Variants in SOX13 observed in about 807,000 individuals in gnomAD.
SOX13 encodes SRY-box transcription factor 13, also known as transcription factor SOX-13.
A neutral mutation model predicts 71.8 loss-of-function variants in SOX13; 28 were observed. The observed-to-expected ratio is 0.39, with a 90% CI of 0.29 to 0.53. The LOEUF (loss-of-function observed/expected upper bound fraction) is 0.53, where lower values mean the gene tolerates loss of function less well. SOX13 is among the 20% of genes least tolerant of loss of function. SOX13 has a pLI of 0.70. For missense variants in SOX13, 627 were observed against 810.3 expected, an observed-to-expected ratio of 0.77 and a Z score of 2.75; for synonymous variants, 309 against 317.8, an observed-to-expected ratio of 0.97 and a Z score of 0.29.
intron 1 of SOX13, among the ~76,000 whole-genome samples, chr1:204,093,318 C>T (rs1340549368): frequency 4.6e-5 from 7 of 152,232 alleles, no homozygotes; most frequent in Non-Finnish European, 7.3e-5. Flanking sequence ...TTCTACACTA[C>T]ACAGGATTGA....
In SOX13 at chr1:204,117,203, G is replaced by A; in HGVS notation, c.660+13G>A. 1.2e-5 allele frequency: 20 copies of A among 1,612,912 alleles called. No individual in the cohort carries two copies. The highest frequency in any genetic ancestry group is 1.7e-5 in the Non-Finnish European group (20 of 1,178,914). ...GCAGCAGATCCAGGTAACCGGAGGG[G>A]AGACCCGGAGAGGCACAGGAGGCAG... On this transcript the variant is annotated intron_variant, in intron 6 of 13. Coordinates refer to ENST00000367204, the MANE Select transcript of SOX13 (RefSeq NM_005686.3).
At chr1:204,103,235 T>A (rs2102243475) in intron 1 of SOX13, among the ~76,000 whole-genome samples, 1 of 152,366 alleles carries the variant, frequency 6.6e-6, no homozygotes, top group East Asian at 1.9e-4. Context: ...GGGTTTCTTT[T>A]GACTAAGTTT....
intron 1 of SOX13, among the ~76,000 whole-genome samples, chr1:204,093,098 T>G (rs1656179770): frequency 6.6e-6 from 1 of 152,046 alleles, no homozygotes; most frequent in African/African-American, 2.4e-5. Flanking sequence ...CTGTCCCAAG[T>G]GTATCAGCAT....
chr1:204,094,853 G>A (rs951200115), intron 1 of SOX13, among the ~76,000 whole-genome samples: 11 of 152,142 alleles, frequency 7.2e-5, no homozygotes, highest in Admixed American at 3.9e-4. Flanking sequence ...GGGATTTTGG[G>A]GCTTGCCTGT....
Position 204,123,449 on chromosome 1 carries a change from G to A in SOX13, c.1232-212G>A, listed in dbSNP as rs905157840. Among the ~76,000 whole-genome samples, 1 of 152,192 alleles carries A rather than the reference G, an allele frequency of 6.6e-6. No homozygotes were observed. The highest frequency in any genetic ancestry group is 1.5e-5 in the Non-Finnish European group (1 of 68,040). On this transcript the variant is annotated intron_variant, in intron 11 of 13. Transcript: ENST00000367204. This position sits in a 1 kb window ranked among gnomAD's most constrained non-coding sequence, Gnocchi z 5.0. ...GGCCATACCGCTGTGATTTTCTTGT[G>A]TGTCTGTCTCTGGTTCCCTGGCTGG...
chr1:204,125,429 C>T (rs1040581806), intron 13 of SOX13, among the ~76,000 whole-genome samples: 1 of 152,098 alleles, frequency 6.6e-6, no homozygotes, highest in East Asian at 1.9e-4. Flanking sequence ...TGGTGGTTCA[C>T]ACCTGTAGTC....
At chr1:204,125,578 A>G (rs1379109279) in intron 13 of SOX13, among the ~76,000 whole-genome samples, 2 of 152,174 alleles carry the variant, frequency 1.3e-5, no homozygotes, top group African/African-American at 4.8e-5. Flanking sequence ...ATAAGTAAAC[A>G]AAACATAAAA....
At chr1:204,088,037 C>T (rs2102228767) in intron 1 of SOX13, among the ~76,000 whole-genome samples, 1 of 152,308 alleles carries the variant, frequency 6.6e-6, no homozygotes, top group East Asian at 1.9e-4. Flanking sequence ...CCCTTGGCCT[C>T]CTGCCCTGGC....
chr1:204,125,010 G>C (rs886542647), intron 13 of SOX13, among the ~76,000 whole-genome samples, 153 bp downstream of exon 13: 3 of 152,140 alleles, frequency 2.0e-5, no homozygotes, highest in African/African-American at 7.2e-5. Flanking sequence ...GTATAGCTGA[G>C]CCTGCACGTG....
intron 1 of SOX13, among the ~76,000 whole-genome samples, chr1:204,111,159 G>A (rs548354714): frequency 6.6e-6 from 1 of 152,302 alleles, no homozygotes; most frequent in East Asian, 1.9e-4. Context: ...TGATAAACAA[G>A]GAAACAACAA....
At chr1:204,076,186 T>C (rs1259161744) in intron 1 of SOX13, among the ~76,000 whole-genome samples, 1 of 152,206 alleles carries the variant, frequency 6.6e-6, no homozygotes, top group Non-Finnish European at 1.5e-5. Context: ...GTTCTCTCCA[T>C]GGAAATCAGG....
chr1:204,113,103 C>G lies in SOX13; in HGVS notation c.188C>G (p.Ala63Gly). ...TCCCAGGATAGTGCTGACCCCCAAG[C>G]TCCAGCCCAGGGGAATTTCAGGGGC... is the stretch of plus-strand genomic sequence containing the variant. Reference protein sequence around the residue: ...RASQDSADPQAPAQGNFRGSW... With the variant: ...RASQDSADPQGPAQGNFRGSW... Residue 63 changes from alanine (A) to glycine (G), a missense_variant, in exon 2 of 14, where the codon GCT becomes GGT. Ala to Gly is a moderately conservative substitution (Grantham distance 60). Transcript: ENST00000367204. The G allele has an allele frequency of 6.3e-7, 1 of 1,578,948 alleles. No individual in the cohort carries two copies. Among genetic ancestry groups the G allele is most frequent in the African/African-American group, 1.3e-5 (1 of 74,170 alleles).
chr1:204,101,445 T>C (rs527284445), intron 1 of SOX13, among the ~76,000 whole-genome samples: 2 of 147,910 alleles, frequency 1.4e-5, no homozygotes, highest in South Asian at 4.2e-4. Flanking sequence ...GACAGGAGGA[T>C]CACGTGAGCC....
chr1:204,107,419 G>C (rs563318140), intron 1 of SOX13, among the ~76,000 whole-genome samples: 2 of 152,232 alleles, frequency 1.3e-5, no homozygotes, highest in African/African-American at 2.4e-5. Flanking sequence ...GAGTGACAGA[G>C]CAGTGACCAC....
chr1:204,082,780 C>G (rs1026068461), intron 1 of SOX13, among the ~76,000 whole-genome samples: 1 of 152,174 alleles, frequency 6.6e-6, no homozygotes, highest in African/African-American at 2.4e-5. Context: ...TGTGTCAAAT[C>G]TTGACTTGGG....
chr1:204,079,698 G>A (rs1655860751), intron 1 of SOX13, among the ~76,000 whole-genome samples: 2 of 152,076 alleles, frequency 1.3e-5, no homozygotes, highest in South Asian at 2.1e-4. Context: ...TGGCTCTCCC[G>A]CCTTAGTGGG....
chr1:204,083,619 G>A (rs143235800), intron 1 of SOX13, among the ~76,000 whole-genome samples: 2 of 152,164 alleles, frequency 1.3e-5, no homozygotes, highest in Admixed American at 6.6e-5. Context: ...TTAAGCAGCC[G>A]CGGGGCCTTA....
intron 6 of SOX13, 95 bp from the exon 7 acceptor site, chr1:204,117,498 C>G (rs1294677231): frequency 8.8e-6 from 7 of 793,222 alleles, no homozygotes; most frequent in Non-Finnish European, 1.4e-5. Context: ...CCCTGTGCCT[C>G]TTGTCCATGG....
intron 1 of SOX13, among the ~76,000 whole-genome samples, chr1:204,090,849 G>C (rs925604327): frequency 6.6e-6 from 1 of 152,194 alleles, no homozygotes; most frequent in Non-Finnish European, 1.5e-5. Context: ...GGGCACCTTT[G>C]CACCAGGTGC....
Sources: gnomAD v4.1 joint callset for allele counts (sites outside exome capture counted in the v4.1 genomes callset) on GRCh38, gnomAD v4.1.1 for gene constraint, Gnocchi (gnomAD v3.1) non-coding constraint, MANE v1.5 for transcripts, NCBI Gene and HGNC (gene_info 2026-07-23, HGNC 2026-07-21) for gene names.